Variants in EPHA6 observed in about 807,000 individuals in gnomAD.
EPHA6 encodes the protein EPH receptor A6.
In EPHA6, 50 loss-of-function variants were observed where a neutral mutation model predicts 112.0. That is an observed-to-expected ratio of 0.45 (90% CI 0.36 to 0.56). The LOEUF (loss-of-function observed/expected upper bound fraction) is 0.56. Among genes scored for constraint, EPHA6 ranks in the 20% least tolerant of loss-of-function variants. The pLI is 0.00. For synonymous variants in EPHA6, 529 were observed against 490.7 expected, an observed-to-expected ratio of 1.08 and a Z score of -1.03; for missense variants, 1,280 against 1,417.4, an observed-to-expected ratio of 0.90 and a Z score of 1.56.
chr3:97,128,379 T>C (rs1171101115), intron 3 of EPHA6, among the ~76,000 whole-genome samples: 1 of 152,180 alleles, frequency 6.6e-6, no homozygotes, highest in African/African-American at 2.4e-5. Flanking sequence ...AGTAATGGGA[T>C]TGCTGGGTCA....
At chr3:97,087,026 G>A (rs1198221090) in intron 3 of EPHA6, among the ~76,000 whole-genome samples, 2 of 152,086 alleles carry the variant, frequency 1.3e-5, no homozygotes, top group African/African-American at 4.8e-5. Context: ...GTTTTCCTGT[G>A]GGCATGTCAC....
chr3:97,662,200 G>A (rs2094174521), intron 14 of EPHA6, among the ~76,000 whole-genome samples: 1 of 152,074 alleles, frequency 6.6e-6, no homozygotes, highest in African/African-American at 2.4e-5. Context: ...TTTGCTTTAG[G>A]CTTAGGTAAT....
chr3:97,738,247 G>A (rs190791128), intron 16 of EPHA6, among the ~76,000 whole-genome samples: 4 of 151,826 alleles, frequency 2.6e-5, no homozygotes, highest in African/African-American at 9.7e-5. Flanking sequence ...ATGAGTTATT[G>A]AGGTGACTTG....
At chr3:97,359,683 AT>A (rs1281088897) in intron 5 of EPHA6, among the ~76,000 whole-genome samples, 4 of 152,056 alleles carry the variant, frequency 2.6e-5, no homozygotes, top group Non-Finnish European at 4.4e-5. Flanking sequence ...AAAACTTGAC[AT>A]TTGAATCTAA....
chr3:97,352,905 G>C (rs1358152612), intron 5 of EPHA6, among the ~76,000 whole-genome samples: 1 of 152,122 alleles, frequency 6.6e-6, no homozygotes, highest in Non-Finnish European at 1.5e-5. Context: ...GGAGAGGAAA[G>C]AGTAAAGAGG....
intron 2 of EPHA6, among the ~76,000 whole-genome samples, chr3:96,968,906 C>T (rs536112577): frequency 3.9e-5 from 6 of 151,936 alleles, no homozygotes; most frequent in African/African-American, 1.2e-4. Context: ...ATTATGCTGT[C>T]TTTGGCATAT....
intron 1 of EPHA6, among the ~76,000 whole-genome samples, chr3:96,824,840 C>T (rs1001400759): frequency 1.3e-5 from 2 of 152,058 alleles, no homozygotes; most frequent in Middle Eastern, 3.4e-3. Context: ...ATGTTAGCCA[C>T]GATTTGTGTG....
intron 1 of EPHA6, among the ~76,000 whole-genome samples, chr3:96,827,072 A>T (rs2107251874): frequency 6.6e-6 from 1 of 152,244 alleles, no homozygotes; most frequent in East Asian, 1.9e-4. Context: ...TTGATGCCAG[A>T]GAGTGGGGAA....
rs533000473 is a variant in EPHA6, at chr3:96,814,829, C to G, written c.206C>G (p.Pro69Arg). Residue 69 changes from proline (P) to arginine (R), a missense_variant, in exon 1 of 18, where the codon CCC becomes CGC. Transcript: ENST00000389672. ...EEEEEDVDKDPHPTQNTCLRC... is the reference protein window; with the variant it reads ...EEEEEDVDKDRHPTQNTCLRC... ...GAGGAAGAAGACGTGGACAAGGACC[C>G]CCATCCTACCCAGAACACCTGCCTG... 2 of 1,583,404 alleles carry G rather than the reference C, an allele frequency of 1.3e-6. No homozygotes were observed. Among genetic ancestry groups the G allele is most frequent in the African/African-American group, 2.7e-5 (2 of 74,186 alleles).
At chr3:97,423,845 C>T (rs1365414131) in intron 6 of EPHA6, among the ~76,000 whole-genome samples, 1 of 152,132 alleles carries the variant, frequency 6.6e-6, no homozygotes, top group Non-Finnish European at 1.5e-5. Flanking sequence ...AGAAATAAAG[C>T]CTCACACCTA....
intron 2 of EPHA6, among the ~76,000 whole-genome samples, chr3:96,952,088 T>G (rs1311371344): frequency 6.6e-6 from 1 of 152,154 alleles, no homozygotes; most frequent in Non-Finnish European, 1.5e-5. Flanking sequence ...GCCTGGGTAC[T>G]TGTCCTCTTG....
chr3:96,967,194 A>T (rs2042152682), intron 2 of EPHA6, among the ~76,000 whole-genome samples: 1 of 151,066 alleles, frequency 6.6e-6, no homozygotes, highest in Non-Finnish European at 1.5e-5. Context: ...ACACACACAC[A>T]CACACACACA....
intron 5 of EPHA6, among the ~76,000 whole-genome samples, chr3:97,324,082 C>T (rs918473429): frequency 1.3e-5 from 2 of 151,990 alleles, no homozygotes; most frequent in African/African-American, 4.8e-5. Context: ...CCAAAGCATA[C>T]TTAGAAACCT....
rs1002691156 is a variant in EPHA6 at position 97,757,165 on chromosome 3, G to T, written c.*8464G>T. Among the ~76,000 whole-genome samples the T allele has an allele frequency of 1.3e-5, 2 of 151,002 alleles. No individual in the cohort carries two copies. The highest frequency in any genetic ancestry group is 1.3e-4 in the Admixed American group (2 of 15,228). ...GGTAATACAGTACAAAGAGGAGTTT[G>T]TTTTAAAATTGTTACTTACCTCATT... On this transcript the variant is annotated 3_prime_UTR_variant, in exon 18 of 18. Transcript: ENST00000389672.
At chr3:97,684,473 G>A (rs767234580) in intron 14 of EPHA6, among the ~76,000 whole-genome samples, 6 of 152,086 alleles carry the variant, frequency 3.9e-5, no homozygotes, top group South Asian at 2.1e-4. Flanking sequence ...TGTAAGTGTC[G>A]AAGTGACCAT....
intron 12 of EPHA6, among the ~76,000 whole-genome samples, chr3:97,606,922 C>T (rs1164642262): frequency 1.3e-5 from 2 of 150,910 alleles, no homozygotes; most frequent in Non-Finnish European, 3.0e-5. Context: ...GTATTTTTTA[C>T]AGTGATAATC....
chr3:97,437,647 T>A (rs1424061969), intron 6 of EPHA6, among the ~76,000 whole-genome samples: 5 of 152,066 alleles, frequency 3.3e-5, no homozygotes, highest in Non-Finnish European at 7.4e-5. Flanking sequence ...ATAAACTAAA[T>A]GTAATACTCA....
intron 3 of EPHA6, among the ~76,000 whole-genome samples, chr3:97,141,596 A>C (rs1234065392): frequency 2.0e-5 from 3 of 152,094 alleles, no homozygotes; most frequent in Admixed American, 6.6e-5. Context: ...CTTTTTGGTA[A>C]ATGATGAAAT....
chr3:97,498,023 C>CAA (rs2092024358), intron 10 of EPHA6, among the ~76,000 whole-genome samples: 1 of 151,706 alleles, frequency 6.6e-6, no homozygotes, highest in African/African-American at 2.4e-5. Flanking sequence ...AACAAACAAA[C>CAA]AAACAAAAAA....
Sources: allele counts gnomAD v4.1 joint callset (sites outside exome capture counted in the v4.1 genomes callset), GRCh38; gene constraint gnomAD v4.1.1; transcripts MANE v1.5; gene names NCBI Gene and HGNC (gene_info 2026-07-23, HGNC 2026-07-21).